PTP4A2: variants seen among roughly 807,000 people sequenced by gnomAD.
The protein encoded by PTP4A2 is protein tyrosine phosphatase 4A2, also known as protein tyrosine phosphatase type IVA 2.
In PTP4A2, 2 loss-of-function variants were observed where a neutral mutation model predicts 22.9. That is an observed-to-expected ratio of 0.09 (90% CI 0.04 to 0.27). The LOEUF (loss-of-function observed/expected upper bound fraction) is 0.27. Ranked by LOEUF, PTP4A2 falls within the 10% of genes least tolerant of loss-of-function variation. The probability of loss-of-function intolerance (pLI) is 1.00; values close to 1 mark genes in which losing one functional copy is unlikely to be tolerated. For missense variants in PTP4A2, 103 were observed against 205.1 expected, an observed-to-expected ratio of 0.50 and a Z score of 3.04; for synonymous variants, 68 against 69.1, an observed-to-expected ratio of 0.98 and a Z score of 0.08.
intron 1 of PTP4A2, among the ~76,000 whole-genome samples, chr1:31,920,990 A>G (rs560591276): frequency 3.5e-4 from 53 of 152,282 alleles, no homozygotes; most frequent in African/African-American, 1.2e-3. Context: ...TATTCTTTCT[A>G]TCCAAAGTAT....
In PTP4A2 at chr1:31,908,571, A is replaced by C. The variant is rs1050556843; in HGVS notation, c.*281T>G. On this transcript the variant is annotated 3_prime_UTR_variant, in exon 6 of 6. Transcript: ENST00000647444. ...GTTTAAAAAGACAGGAGATTTCAAA[A>C]TAATTCAATCCTGGCAGAAATTCAA... is the stretch of plus-strand genomic sequence containing the variant. The C allele has an allele frequency of 2.9e-5, 8 of 280,404 alleles. No homozygotes were observed. The highest frequency in any genetic ancestry group is 5.3e-5 in the Non-Finnish European group (8 of 150,024). The allele number at this position is 280,404 out of a possible 1,614,324, so 17.4% of individuals were successfully genotyped here.
chr1:31,931,357 ACT>A (rs923137576), intron 1 of PTP4A2, among the ~76,000 whole-genome samples: 1 of 152,172 alleles, frequency 6.6e-6, no homozygotes, highest in Non-Finnish European at 1.5e-5. Flanking sequence ...TGGTTAGATA[ACT>A]CTGGAGAAGC....
intron 1 of PTP4A2, among the ~76,000 whole-genome samples, chr1:31,920,414 G>A (rs1652085668): frequency 6.6e-6 from 1 of 151,318 alleles, no homozygotes; most frequent in South Asian, 2.1e-4. Flanking sequence ...CTGCACTCCA[G>A]TCTGGACAAT....
chr1:31,938,074 CGGCGGCGGTAGCGGT>C lies in PTP4A2; in HGVS notation c.-696_-682del. On this transcript the variant is annotated 5_prime_UTR_variant, in exon 1 of 6. Coordinates refer to ENST00000647444, the MANE Select transcript of PTP4A2 (RefSeq NM_080391.4). The surrounding 1 kb of genome is among the most constrained non-coding windows in gnomAD (Gnocchi z 4.4). The stretch of plus-strand genomic sequence containing the variant: ...TCCTCAGTCACCTCGGCGGCGGCGG[CGGCGGCGGTAGCGGT>C]GGCGGCGGCGGCGACGACTCCCCCC... The C allele has an allele frequency of 6.6e-6, 1 of 150,938 alleles. No individual in the cohort carries two copies. The highest frequency in any genetic ancestry group is 1.4e-5 in the Non-Finnish European group (1 of 70,654). The allele number at this position is 150,938 out of a possible 1,614,324, so 9.3% of individuals were successfully genotyped here.
chr1:31,922,595 TTTC>T (rs1652217851), intron 1 of PTP4A2, among the ~76,000 whole-genome samples: 3 of 45,576 alleles, frequency 6.6e-5, no homozygotes, highest in African/African-American at 3.8e-4. Flanking sequence ...TGTTTCTTTC[TTTC>T]TTTCTTTCTT....
At chr1:31,930,433 T>G (rs1406901541) in intron 1 of PTP4A2, among the ~76,000 whole-genome samples, 2 of 152,220 alleles carry the variant, frequency 1.3e-5, no homozygotes, top group Non-Finnish European at 2.9e-5. Flanking sequence ...GTATTGAGCG[T>G]ATTTAAAGGT....
At chr1:31,915,644 A>T in intron 3 of PTP4A2, 1 of 227,720 alleles carries the variant, frequency 4.4e-6, no homozygotes, top group East Asian at 8.4e-5. Flanking sequence ...GGCTCAAGTG[A>T]TTCCCTCACC....
intron 2 of PTP4A2, among the ~76,000 whole-genome samples, chr1:31,918,227 G>C (rs151086089): frequency 5.4e-4 from 81 of 149,852 alleles, no homozygotes; most frequent in African/African-American, 2.0e-3. Flanking sequence ...CCAGCCTGGC[G>C]AAGAGCGAGA....
chr1:31,916,404 A>T (rs1203051842), intron 2 of PTP4A2, among the ~76,000 whole-genome samples: 1 of 149,038 alleles, frequency 6.7e-6, no homozygotes, highest in Non-Finnish European at 1.5e-5. Flanking sequence ...AAACAATGAG[A>T]TATCATTTTT....
intron 1 of PTP4A2, among the ~76,000 whole-genome samples, chr1:31,928,214 TATAAATATA>T (rs1196305698): frequency 7.1e-6 from 1 of 140,006 alleles, no homozygotes; most frequent in Non-Finnish European, 1.5e-5. Flanking sequence ...TATTATAATA[TATAAATATA>T]ATAATATAAT....
At chr1:31,921,835 T>C (rs1276882870) in intron 1 of PTP4A2, 1 of 152,222 alleles carries the variant, frequency 6.6e-6, no homozygotes, top group African/African-American at 2.4e-5. Flanking sequence ...GCTTTTTTTA[T>C]GATACTCTTA....
At chr1:31,934,585 G>A (rs1372470661) in intron 1 of PTP4A2, among the ~76,000 whole-genome samples, 1 of 152,186 alleles carries the variant, frequency 6.6e-6, no homozygotes, top group African/African-American at 2.4e-5. Flanking sequence ...CTTTGTGTCT[G>A]AAAATTGTAA....
intron 1 of PTP4A2, among the ~76,000 whole-genome samples, chr1:31,923,189 G>A (rs1652274360): frequency 6.6e-6 from 1 of 151,754 alleles, no homozygotes; most frequent in South Asian, 2.1e-4. Flanking sequence ...GATTACAGAC[G>A]TGAGCCACCA....
chr1:31,927,583 G>A (rs1226891210), intron 1 of PTP4A2, among the ~76,000 whole-genome samples: 1 of 152,190 alleles, frequency 6.6e-6, no homozygotes, highest in Non-Finnish European at 1.5e-5. Flanking sequence ...TATCTGCTAT[G>A]TGGAAACATT....
chr1:31,926,624 T>G (rs1478364285), intron 1 of PTP4A2, among the ~76,000 whole-genome samples: 1 of 152,236 alleles, frequency 6.6e-6, no homozygotes, highest in African/African-American at 2.4e-5. Flanking sequence ...CCTGAAGAGC[T>G]AGGCATTTTC....
At chr1:31,920,126 CAAA>C (rs772173962) in intron 1 of PTP4A2, among the ~76,000 whole-genome samples, 2 of 43,148 alleles carry the variant, frequency 4.6e-5, no homozygotes, top group Admixed American at 2.9e-4. Flanking sequence ...AACTCTGCCT[CAAA>C]AAAAAAAAAA....
At position 31,922,638 on chromosome 1, in the gene PTP4A2, T is replaced by C. The variant is rs557158770; in HGVS notation, c.-593-2980A>G. Among the ~76,000 whole-genome samples the C allele has an allele frequency of 1.1e-4, 15 of 138,808 alleles. No individual in the cohort carries two copies. In the East Asian group the frequency reaches 1.4e-3, roughly 13 times the overall value. The allele number at this position is 138,808 out of a possible 152,430, so 91.1% of individuals were successfully genotyped here. A position where few individuals can be genotyped will look rare whatever the true frequency, so the allele number is the denominator to read the frequency against. ...TCTTTCTTTCTTTCTTTCTTTCTTT[T>C]ATTTATTTTGAGACAGGTTTTCACT... is the stretch of plus-strand genomic sequence containing the variant. On this transcript the variant is annotated intron_variant, in intron 1 of 5. Transcript: ENST00000647444.
chr1:31,915,070 G>A (rs1244714275), intron 3 of PTP4A2, among the ~76,000 whole-genome samples: 1 of 152,160 alleles, frequency 6.6e-6, no homozygotes, highest in Admixed American at 6.5e-5. Context: ...ACTTAAGAAT[G>A]TCTGATGGAA....
chr1:31,922,831 A>T (rs914287094), intron 1 of PTP4A2, among the ~76,000 whole-genome samples: 1 of 152,068 alleles, frequency 6.6e-6, no homozygotes, highest in Non-Finnish European at 1.5e-5. Context: ...TATGCTGCCC[A>T]GGCTGATCTC....
Sources: gnomAD v4.1 joint callset for allele counts (sites outside exome capture counted in the v4.1 genomes callset) on GRCh38, gnomAD v4.1.1 for gene constraint, Gnocchi (gnomAD v3.1) non-coding constraint, MANE v1.5 for transcripts, NCBI Gene and HGNC (gene_info 2026-07-23, HGNC 2026-07-21) for gene names.